Variants in TTC1 observed in about 807,000 individuals in gnomAD.
TTC1 encodes tetratricopeptide repeat domain 1, also known as tetratricopeptide repeat protein 1.
A neutral mutation model predicts 37.6 loss-of-function variants in TTC1; 31 were observed. That is an observed-to-expected ratio of 0.82 (90% CI 0.62 to 1.11). The LOEUF is 1.11. Ranked by LOEUF, TTC1 falls within the 50% of genes most tolerant of loss-of-function variation. TTC1 has a pLI of 0.00. For synonymous variants in TTC1, 127 were observed against 122.4 expected (o/e 1.04, Z -0.25); for missense variants, 351 against 339.0 (o/e 1.04, Z -0.28).
At chr5:160,010,394 T>G (rs1581089258) in intron 1 of TTC1, 106 bp from the exon 2 acceptor site, 1 of 611,974 alleles carries the variant, frequency 1.6e-6, no homozygotes. Flanking sequence ...GAAAGGAAAT[T>G]ACGGTGTGTT....
At position 160,010,500 on chromosome 5, in the gene TTC1, C is replaced by T. The variant is rs1354283082; in HGVS notation, c.-29C>T. On this transcript the variant is annotated splice_region_variant and 5_prime_UTR_variant, in exon 2 of 8. Coordinates refer to ENST00000231238, the MANE Select transcript of TTC1 (RefSeq NM_003314.3). ...GCAGTTTTGTTTTGTTTTCCCCCAGCTTTAGCGTCACCTCCCTCACTGGGC... is the reference window on the plus strand; with the variant it reads ...GCAGTTTTGTTTTGTTTTCCCCCAGTTTTAGCGTCACCTCCCTCACTGGGC... 1 of 1,591,256 alleles carries T rather than the reference C, an allele frequency of 6.3e-7. No individual in the cohort carries two copies. The highest frequency in any genetic ancestry group is 1.1e-5 in the South Asian group (1 of 89,942).
intron 5 of TTC1, among the ~76,000 whole-genome samples, chr5:160,048,126 CTTTTTT>C (rs56201199): frequency 2.8e-5 from 1 of 35,570 alleles, no homozygotes; most frequent in African/African-American, 1.2e-4. Context: ...CAAGACATTG[CTTTTTT>C]TTTTTTTTTT....
chr5:160,034,385 G>C (rs1269967112), intron 2 of TTC1, among the ~76,000 whole-genome samples: 1 of 152,032 alleles, frequency 6.6e-6, no homozygotes. Context: ...TTTCTGAGTT[G>C]TTTGAATAAG....
chr5:160,043,558 C>T (rs1478183357), intron 5 of TTC1, among the ~76,000 whole-genome samples: 1 of 152,144 alleles, frequency 6.6e-6, no homozygotes, highest in Non-Finnish European at 1.5e-5. Context: ...ATGCCACTTA[C>T]TCCAGCCTGG....
chr5:160,020,928 G>A (rs913302747), intron 2 of TTC1, among the ~76,000 whole-genome samples: 9 of 152,196 alleles, frequency 5.9e-5, no homozygotes, highest in East Asian at 1.9e-4. Context: ...ACCCTAGTCC[G>A]TGGAAAAATA....
At chr5:160,022,901 T>A (rs1435267227) in intron 2 of TTC1, among the ~76,000 whole-genome samples, 1 of 152,200 alleles carries the variant, frequency 6.6e-6, no homozygotes, top group Non-Finnish European at 1.5e-5. Context: ...TGCTACAGAT[T>A]CGGGGTAATT....
chr5:160,065,286 G>C lies in TTC1; in HGVS notation c.*221G>C. On this transcript the variant is annotated 3_prime_UTR_variant, in exon 8 of 8. Coordinates refer to ENST00000231238, the MANE Select transcript of TTC1 (RefSeq NM_003314.3). ...TGATTTCCATTTTAAGGTGGTGTCT[G>C]TGCAGCTGGTGTCCCCGATTCTGGC... 1.4e-6 allele frequency: 1 copy of C among 717,688 alleles called. No homozygotes were observed. 44.5% of individuals were successfully genotyped at this position (717,688 alleles called of 1,614,324 possible). A position where few individuals can be genotyped will look rare whatever the true frequency, so the allele number is the denominator to read the frequency against.
chr5:160,044,746 C>T (rs906760825), intron 5 of TTC1, among the ~76,000 whole-genome samples: 2 of 152,200 alleles, frequency 1.3e-5, no homozygotes, highest in Admixed American at 6.5e-5. Context: ...GTGCCAACCT[C>T]CTGTCTCATC....
chr5:160,031,618 A>AAAAT (rs918279200), intron 2 of TTC1, among the ~76,000 whole-genome samples: 4 of 152,116 alleles, frequency 2.6e-5, no homozygotes, highest in Admixed American at 1.3e-4. Context: ...TGTCTCAAAA[A>AAAAT]AAATAAATAA....
At chr5:160,022,199 G>A (rs535225013) in intron 2 of TTC1, among the ~76,000 whole-genome samples, 1 of 152,150 alleles carries the variant, frequency 6.6e-6, no homozygotes, top group East Asian at 1.9e-4. Flanking sequence ...GATAGATGGG[G>A]TATACACTTA....
chr5:160,023,861 T>C, intron 2 of TTC1: 1 of 1,611,672 alleles, frequency 6.2e-7, no homozygotes, highest in Non-Finnish European at 8.5e-7. Flanking sequence ...ATTCTTTTTC[T>C]TCTCCTCCTT....
chr5:160,044,645 C>T (rs1304912640), intron 5 of TTC1, among the ~76,000 whole-genome samples: 1 of 152,208 alleles, frequency 6.6e-6, no homozygotes, highest in Non-Finnish European at 1.5e-5. Context: ...GACCAGAGGT[C>T]ACTTCCATCG....
intron 5 of TTC1, 32 bp from the exon 6 acceptor site, chr5:160,049,482 T>C (rs1169063812): frequency 3.9e-6 from 6 of 1,540,250 alleles, no homozygotes; most frequent in Admixed American, 2.2e-5. Context: ...CATTTTTCTT[T>C]GTGATAAAAA....
chr5:160,009,621 T>C (rs1009788673), intron 1 of TTC1, among the ~76,000 whole-genome samples: 1 of 149,570 alleles, frequency 6.7e-6, no homozygotes, highest in African/African-American at 2.4e-5. Context: ...TAAATAAACC[T>C]GATGCCCTTG....
intron 2 of TTC1, among the ~76,000 whole-genome samples, chr5:160,019,341 C>G (rs1180535306): frequency 2.0e-5 from 3 of 152,150 alleles, no homozygotes; most frequent in Non-Finnish European, 4.4e-5. Flanking sequence ...ATTTCAGTCT[C>G]TTCCCTCTGT....
At chr5:160,026,065 T>C (rs533752922) in intron 2 of TTC1, among the ~76,000 whole-genome samples, 8 of 152,364 alleles carry the variant, frequency 5.3e-5, no homozygotes, top group African/African-American at 1.7e-4. Context: ...AGGTCTAGAA[T>C]AGAACTTAGA....
At chr5:160,051,252 T>G (rs1200178781) in intron 7 of TTC1, 69 bp downstream of exon 7, 1 of 1,284,596 alleles carries the variant, frequency 7.8e-7, no homozygotes, top group Admixed American at 2.0e-5. Flanking sequence ...TAGCGAATAC[T>G]AGAGGAGAAC....
At chr5:160,028,168 A>T (rs1238818109) in intron 2 of TTC1, among the ~76,000 whole-genome samples, 1 of 151,862 alleles carries the variant, frequency 6.6e-6, no homozygotes, top group East Asian at 1.9e-4. Flanking sequence ...GTGTGGTGGC[A>T]GTTGCCTGTA....
rs1330600765 is a variant in TTC1, at chr5:160,043,872, TG to T, written c.541+704del. Among the ~76,000 whole-genome samples, 4 of 152,174 alleles carry T rather than the reference TG, an allele frequency of 2.6e-5. No homozygotes were observed. In the East Asian group the frequency reaches 7.7e-4, roughly 29 times the overall value. Reference sequence around the variant, plus strand: ...GATTCTACACAATGAATCAAGCCTTTGCTATATGATATCTAAGTTCTATTAA... The same window carrying T: ...GATTCTACACAATGAATCAAGCCTTTCTATATGATATCTAAGTTCTATTAA... On this transcript the variant is annotated intron_variant, in intron 5 of 7. Coordinates refer to ENST00000231238, the MANE Select transcript of TTC1 (RefSeq NM_003314.3).
Sources: gnomAD v4.1 joint callset for allele counts (sites outside exome capture counted in the v4.1 genomes callset) on GRCh38, gnomAD v4.1.1 for gene constraint, MANE v1.5 for transcripts, NCBI Gene and HGNC (gene_info 2026-07-23, HGNC 2026-07-21) for gene names.